PDE11A: variants seen among roughly 807,000 people sequenced by gnomAD.
The protein encoded by PDE11A is phosphodiesterase 11A, also known as dual 3',5'-cyclic-AMP and -GMP phosphodiesterase 11A.
A neutral mutation model predicts 100.5 loss-of-function variants in PDE11A; 100 were observed. That is an observed-to-expected ratio of 1.00 (90% CI 0.85 to 1.18). The LOEUF (loss-of-function observed/expected upper bound fraction) is 1.18. PDE11A is among the 50% of genes most tolerant of loss of function. The pLI, the probability that PDE11A is intolerant of heterozygous loss-of-function variation, is 0.00. For synonymous variants in PDE11A, 381 were observed against 420.8 expected, an observed-to-expected ratio of 0.91 and a Z score of 1.16; for missense variants, 1,141 against 1,152.6, an observed-to-expected ratio of 0.99 and a Z score of 0.15.
At chr2:177,637,997 A>ATT (rs10556235) in intron 19 of PDE11A, among the ~76,000 whole-genome samples, 25 of 106,522 alleles carry the variant, frequency 2.3e-4, no homozygotes, top group African/African-American at 8.9e-4. Context: ...ATATATATAT[A>ATT]TTTTTTTTTT....
intron 1 of PDE11A, among the ~76,000 whole-genome samples, chr2:178,051,753 G>A (rs1188909361): frequency 2.0e-5 from 3 of 151,980 alleles, no homozygotes; most frequent in Admixed American, 6.6e-5. Context: ...ACAAAGATCA[G>A]AAGAGACAAA....
rs869059416 is a variant in PDE11A, at chr2:177,631,291, C to CAA, written c.2647-1731_2647-1730dup. Among the ~76,000 whole-genome samples, 92 of 11,796 alleles carry CAA rather than the reference C, an allele frequency of 7.8e-3. 1 individual carries two copies. The highest frequency in any genetic ancestry group is 0.02 in the South Asian group (5 of 248). The allele number at this position is 11,796 out of a possible 152,430, so 7.7% of individuals were successfully genotyped here. ...TGAAACCTCATCTCTACTAAAAATG[C>CAA]AAAAAAAAAAAAAAAAAAACAAAAA... On this transcript the variant is annotated intron_variant, in intron 19 of 19. Coordinates refer to ENST00000286063, the MANE Select transcript of PDE11A (RefSeq NM_016953.4).
At chr2:177,980,523 T>C (rs548826322) in intron 2 of PDE11A, among the ~76,000 whole-genome samples, 1 of 151,004 alleles carries the variant, frequency 6.6e-6, no homozygotes, top group South Asian at 2.1e-4. Flanking sequence ...TTCTCACTGA[T>C]ACAATTTTGG....
chr2:178,077,260 C>CTTTTTTTTTTTTTTTTTTTTT (rs57259393), upstream of PDE11A, among the ~76,000 whole-genome samples: 2 of 98,650 alleles, frequency 2.0e-5, no homozygotes, highest in African/African-American at 4.2e-5. Context: ...TTCTTTCTTT[C>CTTTTTTTTTTTTTTTTTTTTT]TTTTTTTTTT....
At chr2:177,877,662 C>T (rs748413853) in intron 4 of PDE11A, among the ~76,000 whole-genome samples, 1 of 152,080 alleles carries the variant, frequency 6.6e-6, no homozygotes, top group East Asian at 1.9e-4. Flanking sequence ...TGAGGAGGAA[C>T]AAGAAAAGGT....
At chr2:177,835,812 C>T (rs758421411) in intron 6 of PDE11A, among the ~76,000 whole-genome samples, 1 of 152,218 alleles carries the variant, frequency 6.6e-6, no homozygotes, top group Admixed American at 6.5e-5. Flanking sequence ...GGACTTAGCA[C>T]CCGGGCCAGC....
intron 2 of PDE11A, among the ~76,000 whole-genome samples, chr2:177,936,249 T>C (rs1574291108): frequency 6.6e-6 from 1 of 152,366 alleles, no homozygotes. Flanking sequence ...TCCCAGAACA[T>C]ATTGCTAAAA....
rs761188712 is a variant in PDE11A, at chr2:177,898,115, T to A, written c.1245A>T (p.Gln415His). 2 of 1,611,662 alleles carry A rather than the reference T, an allele frequency of 1.2e-6. No individual in the cohort carries two copies. The highest frequency in any genetic ancestry group is 2.7e-5 in the African/African-American group (2 of 74,882). ...AACAGCGTTCACATTTCAGCAGAGT[T>A]TGGGCCCGATGCATTATTTTCTTGA... ...KIVKKIMHRA[Q>H]TLLKCERCSV... Residue 415 changes from glutamine (Q) to histidine (H), a missense_variant, in exon 4 of 20, where the codon CAA (glutamine) becomes CAT (histidine). By Grantham distance (24) the Gln-to-His change is conservative. Coordinates refer to ENST00000286063, the MANE Select transcript of PDE11A (RefSeq NM_016953.4).
At chr2:178,058,578 G>C (rs1191566576) in intron 1 of PDE11A, among the ~76,000 whole-genome samples, 2 of 152,130 alleles carry the variant, frequency 1.3e-5, no homozygotes, top group Non-Finnish European at 2.9e-5. Flanking sequence ...TTTCTTCCCA[G>C]TCTCGGGTAT....
At chr2:177,993,368 CT>C (rs34473216) in intron 2 of PDE11A, among the ~76,000 whole-genome samples, 32 of 150,376 alleles carry the variant, frequency 2.1e-4, no homozygotes, top group African/African-American at 6.9e-4. Flanking sequence ...TATTTTTCTT[CT>C]TTTTAAAAAA....
intron 10 of PDE11A, among the ~76,000 whole-genome samples, chr2:177,763,449 G>A (rs2082196728): frequency 6.6e-6 from 1 of 152,142 alleles, no homozygotes; most frequent in Non-Finnish European, 1.5e-5. Flanking sequence ...AGCATTTCAG[G>A]AAGGCCATGA....
rs566160669 is a variant in PDE11A, at chr2:177,756,841, C to T, written c.1788+12482G>A. On this transcript the variant is annotated intron_variant, in intron 10 of 19. Transcript: ENST00000286063. ...CTGGATTACTTTTCAAACTATGTAACCTTAAAACAAACAAACGAACACATA... is the reference window on the plus strand; with the variant it reads ...CTGGATTACTTTTCAAACTATGTAATCTTAAAACAAACAAACGAACACATA... Among the ~76,000 whole-genome samples, 20 of 152,328 alleles carry T rather than the reference C, an allele frequency of 1.3e-4. No homozygotes were observed. In the East Asian group the frequency reaches 3.3e-3, roughly 25 times the overall value.
intron 2 of PDE11A, among the ~76,000 whole-genome samples, chr2:177,993,674 T>G (rs1273779098): frequency 6.6e-6 from 1 of 152,122 alleles, no homozygotes; most frequent in Non-Finnish European, 1.5e-5. Flanking sequence ...GGGGGTACTC[T>G]TTACTTTGAG....
chr2:177,746,920 A>C (rs1409836495), intron 10 of PDE11A, among the ~76,000 whole-genome samples: 1 of 152,252 alleles, frequency 6.6e-6, no homozygotes, highest in Non-Finnish European at 1.5e-5. Context: ...AATGAGGATT[A>C]CTGAAATAAG....
chr2:178,086,337 T>C (rs2087355086), intron 2 of PDE11A, among the ~76,000 whole-genome samples: 1 of 151,890 alleles, frequency 6.6e-6, no homozygotes, highest in Non-Finnish European at 1.5e-5. Context: ...CAACCCGGAT[T>C]CAGCATGAGA....
chr2:177,928,018 C>T (rs566157055), intron 2 of PDE11A, among the ~76,000 whole-genome samples: 7 of 148,624 alleles, frequency 4.7e-5, no homozygotes, highest in East Asian at 4.0e-4. Context: ...GCAAGAGAAT[C>T]GCTTGAACCT....
At chr2:177,644,011 T>G (rs2886422) in intron 19 of PDE11A, among the ~76,000 whole-genome samples, 118,914 of 152,252 alleles carry the variant, frequency 0.78, 47,152 homozygotes, top group East Asian at 0.9. Context: ...GAAATGCCTG[T>G]ATATCCAGAA....
chr2:177,886,735 C>T (rs1336344089), intron 4 of PDE11A, among the ~76,000 whole-genome samples: 5 of 152,032 alleles, frequency 3.3e-5, no homozygotes, highest in African/African-American at 7.2e-5. Flanking sequence ...TACAGAATGC[C>T]AGTAGAGATG....
At chr2:177,994,477 T>G (rs1473888585) in intron 2 of PDE11A, among the ~76,000 whole-genome samples, 1 of 152,226 alleles carries the variant, frequency 6.6e-6, no homozygotes, top group African/African-American at 2.4e-5. Context: ...TTTTCCAAGT[T>G]TTTTTCCTAG....
Sources: allele counts gnomAD v4.1 joint callset (sites outside exome capture counted in the v4.1 genomes callset), GRCh38; gene constraint gnomAD v4.1.1; transcripts MANE v1.5; gene names NCBI Gene and HGNC (gene_info 2026-07-23, HGNC 2026-07-21).